Variants in SCN7A observed in about 807,000 individuals in gnomAD.
SCN7A encodes the protein sodium voltage-gated channel alpha subunit 7, also known as sodium channel protein type 7 subunit alpha.
In SCN7A, 138 loss-of-function variants were observed where a neutral mutation model predicts 155.2. That is an observed-to-expected ratio of 0.89 (90% confidence interval 0.77 to 1.02). The LOEUF is 1.02. Ranked by LOEUF, SCN7A falls within the 50% of genes least tolerant of loss-of-function variation. SCN7A has a pLI of 0.00. For synonymous variants in SCN7A, 693 were observed against 649.0 expected, an observed-to-expected ratio of 1.07 and a Z score of -1.03; for missense variants, 2,058 against 1,986.6, an observed-to-expected ratio of 1.04 and a Z score of -0.68.
intron 11 of SCN7A, among the ~76,000 whole-genome samples, chr2:166,450,458 A>C (rs948368309): frequency 6.6e-6 from 1 of 152,060 alleles, no homozygotes; most frequent in Non-Finnish European, 1.5e-5. Context: ...CTCGAATCTA[A>C]AATAAAAGTT....
intron 15 of SCN7A, among the ~76,000 whole-genome samples, chr2:166,439,429 T>A (rs1701909310): frequency 6.6e-6 from 1 of 152,076 alleles, no homozygotes; most frequent in Non-Finnish European, 1.5e-5. Context: ...TACAAAGATA[T>A]GAGGCTTTAG....
At chr2:166,490,516 T>C (rs1198109132) in intron 1 of SCN7A, among the ~76,000 whole-genome samples, 2 of 152,200 alleles carry the variant, frequency 1.3e-5, no homozygotes, top group East Asian at 3.8e-4. Context: ...AGCCAAGATA[T>C]GGAAGAAACC....
At position 166,405,829 on chromosome 2, in the gene SCN7A, T is replaced by A. The variant is rs1292723687; in HGVS notation, c.4800A>T (p.Glu1600Asp). 6.2e-7 allele frequency: 1 copy of A among 1,613,144 alleles called. No homozygotes were observed. Among genetic ancestry groups the A allele is most frequent in the East Asian group, 2.2e-5 (1 of 44,840 alleles). The change falls in exon 26 of 26, where the codon GAA (glutamate) becomes GAT (aspartate). Residue 1600 changes from glutamate to aspartate, a missense_variant. By Grantham distance (45) the Glu-to-Asp change is conservative (BLOSUM62 2). Coordinates refer to ENST00000643258, the MANE Select transcript of SCN7A (RefSeq NM_002976.4). Reference sequence around the variant, plus strand: ...AAGGGTTGGCTAACAAAAACCCTGATTCTATTTCTGAAACAACTTTCTCCA... The same window carrying A: ...AAGGGTTGGCTAACAAAAACCCTGAATCTATTTCTGAAACAACTTTCTCCA... ...VRMEKVVSEIESGFLLANPFK... is the reference protein window; with the variant it reads ...VRMEKVVSEIDSGFLLANPFK...
At chr2:166,434,931 T>C (rs1701806814) in intron 15 of SCN7A, among the ~76,000 whole-genome samples, 1 of 152,050 alleles carries the variant, frequency 6.6e-6, no homozygotes, top group Non-Finnish European at 1.5e-5. Context: ...ATAGAAAGAA[T>C]AAAAAATAGA....
chr2:166,405,379 C>T lies in SCN7A; in HGVS notation c.*201G>A. On this transcript the variant is annotated 3_prime_UTR_variant, in exon 26 of 26. Transcript: ENST00000643258. ...GCCACTTTAACCCACTTTAAACTCA[C>T]TGCAGCAATATTAAGGATTCTCTTG... 1.9e-6 allele frequency: 1 copy of T among 514,902 alleles called. No homozygotes were observed. Among genetic ancestry groups the T allele is most frequent in the Non-Finnish European group, 3.4e-6 (1 of 296,780 alleles). 31.9% of individuals were successfully genotyped at this position (514,902 alleles called of 1,614,324 possible). A position where few individuals can be genotyped will look rare whatever the true frequency, so the allele number is the denominator to read the frequency against.
intron 18 of SCN7A, among the ~76,000 whole-genome samples, chr2:166,424,201 T>C (rs1306508636): frequency 6.6e-6 from 1 of 152,112 alleles, no homozygotes; most frequent in African/African-American, 2.4e-5. Flanking sequence ...AACAAATTAC[T>C]GTGTAAATGA....
At chr2:166,489,713 C>T (rs1683040972) in intron 1 of SCN7A, among the ~76,000 whole-genome samples, 1 of 152,118 alleles carries the variant, frequency 6.6e-6, no homozygotes, top group South Asian at 2.1e-4. Flanking sequence ...TTGACTTTTG[C>T]TACTTTCTCC....
rs1201236353 is a variant in SCN7A, at chr2:166,456,858, A to G, written c.1290+12T>C. 5 of 1,367,882 alleles carry G rather than the reference A, an allele frequency of 3.7e-6. No homozygotes were observed. In the East Asian group the frequency reaches 1.3e-4, roughly 35 times the overall value. 84.7% of individuals were successfully genotyped at this position (1,367,882 alleles called of 1,614,324 possible). Reference sequence around the variant, plus strand: ...TAGATAGATAGATAGATAGATAGATAGATATAGATACCTCATCTGTTTCAT... The same window carrying G: ...TAGATAGATAGATAGATAGATAGATGGATATAGATACCTCATCTGTTTCAT... On this transcript the variant is annotated intron_variant, in intron 11 of 25. Coordinates refer to ENST00000643258, the MANE Select transcript of SCN7A (RefSeq NM_002976.4).
At chr2:166,433,274 T>G (rs139363759) in intron 15 of SCN7A, among the ~76,000 whole-genome samples, 1 of 152,154 alleles carries the variant, frequency 6.6e-6, no homozygotes, top group South Asian at 2.1e-4. Flanking sequence ...CCACAATGTA[T>G]GTCTACTTCA....
chr2:166,420,515 A>G (rs1448995383), intron 20 of SCN7A, among the ~76,000 whole-genome samples: 1 of 152,108 alleles, frequency 6.6e-6, no homozygotes, highest in African/African-American at 2.4e-5. Flanking sequence ...TGGTGGTCAC[A>G]GACTCCATTT....
rs1274763275 is a variant in SCN7A, at chr2:166,414,305, TATATATACAC to T, written c.3415-1194_3415-1185del. ...ATATATACACACACATATATATATA[TATATATACAC>T]ATATATATATATATATGAAGGAAGT... On this transcript the variant is annotated intron_variant, in intron 21 of 25. Transcript: ENST00000643258. Among the ~76,000 whole-genome samples, 85 of 95,308 alleles carry T rather than the reference TATATATACAC, an allele frequency of 8.9e-4. 2 individuals are homozygous for T. Among genetic ancestry groups the T allele is most frequent in the East Asian group, 6.6e-3 (20 of 3,042 alleles). 62.5% of individuals were successfully genotyped at this position (95,308 alleles called of 152,430 possible).
intron 21 of SCN7A, among the ~76,000 whole-genome samples, chr2:166,414,097 AAT>A (rs1482207198): frequency 2.5e-4 from 22 of 88,732 alleles, no homozygotes; most frequent in Non-Finnish European, 3.9e-4. Flanking sequence ...AAATATATAT[AAT>A]ATATTATATA....
intron 21 of SCN7A, among the ~76,000 whole-genome samples, chr2:166,413,463 T>A (rs1701246963): frequency 1.3e-5 from 2 of 152,070 alleles, no homozygotes; most frequent in South Asian, 4.1e-4. Flanking sequence ...ATAAGAGGAA[T>A]TGTTCAACTC....
chr2:166,433,190 G>A (rs1701770488), intron 15 of SCN7A, among the ~76,000 whole-genome samples: 1 of 152,048 alleles, frequency 6.6e-6, no homozygotes, highest in African/African-American at 2.4e-5. Context: ...GGCATAAATG[G>A]GTTAAGTGTT....
chr2:166,462,377 C>A lies in SCN7A; in HGVS notation c.1083+12G>T. On this transcript the variant is annotated intron_variant, in intron 10 of 25. Transcript: ENST00000643258. Reference sequence around the variant, plus strand: ...CATTCCTAAGTACAGTACAATTTCTCTCTGTTCTTACCTGGTGATAAAGTA... The same window carrying A: ...CATTCCTAAGTACAGTACAATTTCTATCTGTTCTTACCTGGTGATAAAGTA... 1 of 1,577,358 alleles carries A rather than the reference C, an allele frequency of 6.3e-7. No individual in the cohort carries two copies. Among genetic ancestry groups the A allele is most frequent in the East Asian group, 2.3e-5 (1 of 43,522 alleles).
chr2:166,407,813 T>TA (rs1404847779), intron 25 of SCN7A, among the ~76,000 whole-genome samples: 4 of 151,982 alleles, frequency 2.6e-5, no homozygotes, highest in African/African-American at 9.7e-5. Flanking sequence ...TACACAGGTA[T>TA]ACATGTGCCA....
chr2:166,490,523 A>C (rs758209263), intron 1 of SCN7A, among the ~76,000 whole-genome samples: 6 of 152,224 alleles, frequency 3.9e-5, no homozygotes, highest in Non-Finnish European at 8.8e-5. Flanking sequence ...ATATGGAAGA[A>C]ACCTAAGTAT....
rs1385827842 is a variant in SCN7A, at chr2:166,456,954, C to T, written c.1206G>A (p.Gln402=). The stretch of plus-strand genomic sequence containing the variant: ...TCTTCTTAGATATTTCACCAACTCT[C>T]TGCTTTTCTTCTTCATAGGCCATGG... ...ILAMAYEEEK[Q]RVGEISKKIE... Residue 402 remains glutamine (Q), a synonymous_variant, in exon 11 of 26, where the codon CAG becomes CAA. Coordinates refer to ENST00000643258, the MANE Select transcript of SCN7A (RefSeq NM_002976.4). 2 of 1,593,608 alleles carry T rather than the reference C, an allele frequency of 1.3e-6. No homozygotes were observed. The highest frequency in any genetic ancestry group is 1.7e-6 in the Non-Finnish European group (2 of 1,169,512).
At chr2:166,417,447 T>C (rs1324374396) in intron 20 of SCN7A, among the ~76,000 whole-genome samples, 1 of 152,068 alleles carries the variant, frequency 6.6e-6, no homozygotes, top group Non-Finnish European at 1.5e-5. Context: ...AACTCCAGCA[T>C]GGGCAACAGA....
Sources: gnomAD v4.1 joint callset for allele counts (sites outside exome capture counted in the v4.1 genomes callset) on GRCh38, gnomAD v4.1.1 for gene constraint, MANE v1.5 for transcripts, NCBI Gene and HGNC (gene_info 2026-07-23, HGNC 2026-07-21) for gene names.